PNMA6E: variants seen among roughly 807,000 people sequenced by gnomAD.
PNMA6E encodes PNMA family member 6E, also known as paraneoplastic antigen Ma6E.
For synonymous variants in PNMA6E, 43 were observed against 17.1 expected (o/e 2.52, Z -3.74); for missense variants, 78 against 50.8 (o/e 1.53, Z -1.63).
At position 153,398,651 on chromosome X, in the gene PNMA6E, C is replaced by T; in HGVS notation, c.199G>A (p.Val67Met). Residue 67 changes from valine to methionine, a missense_variant, in exon 2 of 2, where the codon GTG (valine) becomes ATG (methionine). Coordinates refer to ENST00000445091, the MANE Select transcript of PNMA6E (RefSeq NM_001367770.1). ...RKELGAKAALVEFAEYLNRSL... is the reference protein window; with the variant it reads ...RKELGAKAALMEFAEYLNRSL... ...CGGTTTAAATACTCAGCGAACTCCACCAAGGCTGCCTTGGCCCCGAGCTCC... is the reference window on the plus strand; with the variant it reads ...CGGTTTAAATACTCAGCGAACTCCATCAAGGCTGCCTTGGCCCCGAGCTCC... 3.0e-6 allele frequency: 1 copy of T among 328,008 alleles called. No individual in the cohort carries two copies. Among genetic ancestry groups the T allele is most frequent in the Non-Finnish European group, 5.3e-6 (1 of 189,030 alleles). 27.0% of individuals were successfully genotyped at this position (328,008 alleles called of 1,213,427 possible).
Position 153,397,502 on chromosome X carries a change from G to C in PNMA6E, c.1348C>G (p.Leu450Val). 1 of 298,594 alleles carries C rather than the reference G, an allele frequency of 3.3e-6. No homozygotes were observed. Among genetic ancestry groups the C allele is most frequent in the Non-Finnish European group, 5.9e-6 (1 of 170,628 alleles). The allele number at this position is 298,594 out of a possible 1,213,427, so 24.6% of individuals were successfully genotyped here. The change falls in exon 2 of 2, where the codon CTG (leucine) becomes GTG (valine). Residue 450 changes from leucine (L) to valine (V), a missense_variant. Physicochemically the swap from Leu to Val is conservative, Grantham distance 32. Transcript: ENST00000445091. ...GAVCPALANY[L>V]RLQQVLSWAR... ...CAAGACAGCACCTGCTGTAGTCGCA[G>C]GTAATTGGCCAAGGCTGGGCAGACG...
At chrX:153,411,217 G>T in the PNMA6E span, among the ~76,000 whole-genome samples, 78 of 112,553 alleles carry the variant, frequency 6.9e-4, 1 homozygote, top group Non-Finnish European at 1.5e-4. Flanking sequence ...ACGCCCAGGG[G>T]TCTAGCCCAT....
chrX:153,396,812 G>A lies in PNMA6E; in HGVS notation c.*94C>T. On this transcript the variant is annotated 3_prime_UTR_variant, in exon 2 of 2. Coordinates refer to ENST00000445091, the MANE Select transcript of PNMA6E (RefSeq NM_001367770.1). ...GGGGAGGTGGGGGGCCCTTACTCCT[G>A]AATGTGGGGTGAGGGACTGGCCCTG... 3.4e-6 allele frequency: 1 copy of A among 297,452 alleles called. No individual in the cohort carries two copies. Among genetic ancestry groups the A allele is most frequent in the Non-Finnish European group, 5.9e-6 (1 of 170,223 alleles). The allele number at this position is 297,452 out of a possible 1,213,427, so 24.5% of individuals were successfully genotyped here.
chrX:153,400,773 C>A (rs2088844650), intron 1 of PNMA6E, among the ~76,000 whole-genome samples: 1 of 108,949 alleles, frequency 9.2e-6, no homozygotes, highest in South Asian at 4.1e-4. Flanking sequence ...TGGAGCCCGC[C>A]AGCCTGCTCT....
chrX:153,401,543 T>C (rs1191987503), upstream of PNMA6E: 1 of 111,633 alleles, frequency 9.0e-6, no homozygotes, highest in African/African-American at 3.3e-5. Flanking sequence ...TACACGTGAA[T>C]CAAAAGGTGG....
At chrX:153,400,794 G>A (rs1255250711) in intron 1 of PNMA6E, among the ~76,000 whole-genome samples, 3 of 103,916 alleles carry the variant, frequency 2.9e-5, no homozygotes, top group Non-Finnish European at 5.9e-5. Flanking sequence ...CCCACGTGGC[G>A]CTCCACAGCC....
chrX:153,401,783 T>G (rs1396022647), upstream of PNMA6E, among the ~76,000 whole-genome samples: 1 of 111,011 alleles, frequency 9.0e-6, no homozygotes, highest in Non-Finnish European at 1.9e-5. Flanking sequence ...TGTTTTGTTT[T>G]GTTTTTGTTT....
At chrX:153,411,994 T>C in the PNMA6E span, among the ~76,000 whole-genome samples, 14 of 112,812 alleles carry the variant, frequency 1.2e-4, no homozygotes, top group African/African-American at 4.5e-4. Context: ...CTAAAGAGCA[T>C]CCTGTCGCTG....
Position 153,398,897 on chromosome X carries a change from G to A in PNMA6E, c.-48C>T, listed in dbSNP as rs147548015. 1,078 of 296,721 alleles carry A rather than the reference G, an allele frequency of 3.6e-3. 1 individual carries two copies. Among genetic ancestry groups the A allele is most frequent in the Non-Finnish European group, 4.3e-3 (727 of 170,534 alleles). The allele number at this position is 296,721 out of a possible 1,213,427, so 24.5% of individuals were successfully genotyped here. A position where few individuals can be genotyped will look rare whatever the true frequency, so the allele number is the denominator to read the frequency against. ...GCCTGATCAATCAGGAATGTGTGCT[G>A]ACTGTTGCAGTCTCCGACACAGCCT... is the stretch of plus-strand genomic sequence containing the variant. On this transcript the variant is annotated 5_prime_UTR_variant, in exon 2 of 2. Coordinates refer to ENST00000445091, the MANE Select transcript of PNMA6E (RefSeq NM_001367770.1).
upstream of PNMA6E, among the ~76,000 whole-genome samples, chrX:153,402,495 G>A (rs1343999555): frequency 9.0e-6 from 1 of 110,723 alleles, no homozygotes; most frequent in Admixed American, 9.6e-5. Flanking sequence ...CGTCCTTTAT[G>A]CTATAGTTGT....
the PNMA6E span, among the ~76,000 whole-genome samples, chrX:153,411,959 T>A: frequency 8.9e-6 from 1 of 112,651 alleles, no homozygotes. Context: ...CCTGATTGGT[T>A]TCCAGCCACC....
chrX:153,400,839 AC>A (rs1448179812), intron 1 of PNMA6E, among the ~76,000 whole-genome samples: 1 of 21,019 alleles, frequency 4.8e-5, no homozygotes, highest in African/African-American at 1.9e-4. Context: ...CCCCCTCCCG[AC>A]CCCCAGCCCC....
chrX:153,411,771 A>G, the PNMA6E span, among the ~76,000 whole-genome samples: 1 of 112,385 alleles, frequency 8.9e-6, no homozygotes. Flanking sequence ...GGCAGGGTGC[A>G]GGTGTCGAGG....
chrX:153,396,658 G>A lies in PNMA6E; in HGVS notation c.*248C>T, dbSNP rs2088808593. ...CCAGGCCAGCCCCCCGTGGCGGCAG[G>A]GTTTGGGGCTGGGGCTGGGTGTGCT... On this transcript the variant is annotated 3_prime_UTR_variant, in exon 2 of 2. Transcript: ENST00000445091. 4.3e-6 allele frequency: 1 copy of A among 231,149 alleles called. No homozygotes were observed. Among genetic ancestry groups the A allele is most frequent in the African/African-American group, 2.8e-5 (1 of 35,126 alleles). The allele number at this position is 231,149 out of a possible 1,213,427, so 19.0% of individuals were successfully genotyped here.
At chrX:153,405,692 G>A (rs1026899380), upstream of PNMA6E, among the ~76,000 whole-genome samples, 6 of 108,415 alleles carry the variant, frequency 5.5e-5, no homozygotes, top group African/African-American at 2.0e-4. Flanking sequence ...CTATGGAGAG[G>A]CCCACGTGCT....
At chrX:153,409,901 T>C in the PNMA6E span, among the ~76,000 whole-genome samples, 2 of 112,325 alleles carry the variant, frequency 1.8e-5, no homozygotes, top group South Asian at 3.7e-4. Context: ...GGTTACTGGA[T>C]GATGCGGGTG....
chrX:153,396,598 C>A lies in PNMA6E; in HGVS notation c.*308G>T. On this transcript the variant is annotated 3_prime_UTR_variant, in exon 2 of 2. Coordinates refer to ENST00000445091, the MANE Select transcript of PNMA6E (RefSeq NM_001367770.1). ...TGGGGGCAGACATCTTCAGGTGCCC[C>A]CACCCAGGCCACAGCTGCCCACTCA... 6.4e-6 allele frequency: 1 copy of A among 155,157 alleles called. No homozygotes were observed. The highest frequency in any genetic ancestry group is 1.2e-5 in the Non-Finnish European group (1 of 80,894). 12.8% of individuals were successfully genotyped at this position (155,157 alleles called of 1,213,427 possible). A position where few individuals can be genotyped will look rare whatever the true frequency, so the allele number is the denominator to read the frequency against.
the PNMA6E span, among the ~76,000 whole-genome samples, chrX:153,412,857 C>G: frequency 8.9e-6 from 1 of 112,225 alleles, no homozygotes. Flanking sequence ...TTAGAAGGAT[C>G]CCTCAGCGAG....
chrX:153,396,745 G>A lies in PNMA6E; in HGVS notation c.*161C>T, dbSNP rs184165120. Reference sequence around the variant, plus strand: ...CATTTTGTATCAAACGTGGTCATCCGGGTCACAGGGAAGGAATGGGGGTGG... The same window carrying A: ...CATTTTGTATCAAACGTGGTCATCCAGGTCACAGGGAAGGAATGGGGGTGG... On this transcript the variant is annotated 3_prime_UTR_variant, in exon 2 of 2. Transcript: ENST00000445091. 2.7e-3 allele frequency: 801 copies of A among 292,132 alleles called. 6 individuals are homozygous for A. The highest frequency in any genetic ancestry group is 0.018 in the African/African-American group (647 of 36,546). The allele number at this position is 292,132 out of a possible 1,213,427, so 24.1% of individuals were successfully genotyped here. A position where few individuals can be genotyped will look rare whatever the true frequency, so the allele number is the denominator to read the frequency against.
Sources: gnomAD v4.1 joint callset for allele counts (sites outside exome capture counted in the v4.1 genomes callset) on GRCh38, gnomAD v4.1.1 for gene constraint, MANE v1.5 for transcripts, NCBI Gene and HGNC (gene_info 2026-07-23, HGNC 2026-07-21) for gene names.